MCPH1: variants seen among roughly 807,000 people sequenced by gnomAD.
MCPH1 encodes the protein microcephalin.
In MCPH1, 104 loss-of-function variants were observed where a neutral mutation model predicts 84.5. The ratio of observed to expected loss-of-function variants is 1.23; its 90% CI spans 1.05 to 1.45. MCPH1 has a LOEUF of 1.45. MCPH1 is among the 40% of genes most tolerant of loss of function. The pLI is 0.00. For missense variants in MCPH1, 1,498 were observed against 1,005.7 expected (o/e 1.49, Z -6.62); for synonymous variants, 514 against 366.8 (o/e 1.40, Z -4.58).
chr8:6,589,304 C>T (rs937170481), intron 12 of MCPH1, among the ~76,000 whole-genome samples: 1 of 129,528 alleles, frequency 7.7e-6, no homozygotes, highest in Non-Finnish European at 1.8e-5. Flanking sequence ...GGAATTGTTT[C>T]CAGTAAAAAT....
chr8:6,626,007 C>A, intron 13 of MCPH1: 1 of 985,330 alleles, frequency 1.0e-6, no homozygotes, highest in Middle Eastern at 5.2e-4. Flanking sequence ...AACGACAGCT[C>A]TTCCCCTGGG....
At chr8:6,496,019 G>A (rs1811182352) in intron 11 of MCPH1, among the ~76,000 whole-genome samples, 1 of 152,130 alleles carries the variant, frequency 6.6e-6, no homozygotes, top group African/African-American at 2.4e-5. Context: ...GGGTGAGGGA[G>A]GAATGGTTTT....
chr8:6,485,017 T>C (rs1809698988), intron 11 of MCPH1, among the ~76,000 whole-genome samples: 1 of 152,192 alleles, frequency 6.6e-6, no homozygotes, highest in African/African-American at 2.4e-5. Flanking sequence ...TCTTATTGTT[T>C]CTAAATTTAA....
intron 12 of MCPH1, among the ~76,000 whole-genome samples, chr8:6,553,020 C>G (rs531655008): frequency 6.6e-6 from 1 of 152,264 alleles, no homozygotes; most frequent in African/African-American, 2.4e-5. Context: ...CTGTGTGATG[C>G]TACAATGGTG....
At chr8:6,447,658 C>T (rs892435589) in intron 8 of MCPH1, among the ~76,000 whole-genome samples, 5 of 152,052 alleles carry the variant, frequency 3.3e-5, no homozygotes, top group African/African-American at 1.2e-4. Context: ...TCAAGCAAGT[C>T]TCTGCCTCAG....
intron 12 of MCPH1, among the ~76,000 whole-genome samples, chr8:6,546,801 CT>C (rs1822661728): frequency 6.6e-6 from 1 of 152,158 alleles, no homozygotes; most frequent in Non-Finnish European, 1.5e-5. Flanking sequence ...CAAGTATTGC[CT>C]TTAATTGTAA....
At chr8:6,492,917 G>A (rs147580268) in intron 11 of MCPH1, among the ~76,000 whole-genome samples, 132 of 152,106 alleles carry the variant, frequency 8.7e-4, no homozygotes, top group Middle Eastern at 3.4e-3. Context: ...TTCCTGGTAC[G>A]TGGCTCTAGG....
intron 8 of MCPH1, among the ~76,000 whole-genome samples, chr8:6,453,576 A>G (rs1245201412): frequency 2.6e-5 from 4 of 152,206 alleles, no homozygotes; most frequent in African/African-American, 7.2e-5. Context: ...TCATGACTCA[A>G]TAACAGAGCA....
At chr8:6,573,976 G>T in intron 12 of MCPH1, among the ~76,000 whole-genome samples, 1 of 152,226 alleles carries the variant, frequency 6.6e-6, no homozygotes, top group East Asian at 1.9e-4. Context: ...CTTTCTGGGA[G>T]AATGCACTTT....
intron 12 of MCPH1, chr8:6,519,935 C>G: frequency 6.2e-7 from 1 of 1,614,118 alleles, no homozygotes. Flanking sequence ...GATTTGAATA[C>G]TTCAGCACAG....
At chr8:6,494,139 G>C (rs1189421051) in intron 11 of MCPH1, 1 of 152,006 alleles carries the variant, frequency 6.6e-6, no homozygotes, top group Non-Finnish European at 1.5e-5. Flanking sequence ...GAGTTTCACC[G>C]TGTTGTCCAG....
intron 12 of MCPH1, among the ~76,000 whole-genome samples, chr8:6,510,887 C>G (rs775643162): frequency 6.6e-6 from 1 of 152,160 alleles, no homozygotes; most frequent in Non-Finnish European, 1.5e-5. Context: ...AGTATTTTCC[C>G]ACATGTTTCA....
chr8:6,571,143 T>C (rs2922844), intron 12 of MCPH1, among the ~76,000 whole-genome samples: 1 of 152,200 alleles, frequency 6.6e-6, no homozygotes, highest in Admixed American at 6.5e-5. Context: ...AAGGTCAAGA[T>C]AGAAGTCACA....
chr8:6,477,001 A>AT (rs564947326), intron 9 of MCPH1, among the ~76,000 whole-genome samples: 1 of 152,116 alleles, frequency 6.6e-6, no homozygotes, highest in Non-Finnish European at 1.5e-5. Flanking sequence ...TAGCATTTAA[A>AT]TTTTTTGCAA....
chr8:6,456,145 C>T (rs1342275207), intron 9 of MCPH1, among the ~76,000 whole-genome samples: 1 of 152,032 alleles, frequency 6.6e-6, no homozygotes, highest in African/African-American at 2.4e-5. Flanking sequence ...CTGATGCTTT[C>T]TGGTTTGTCT....
Position 6,644,844 on chromosome 8 carries a change from T to C in MCPH1, c.*1795T>C, listed in dbSNP as rs985076672. The C allele has an allele frequency of 7.9e-5, 12 of 152,154 alleles. No individual in the cohort carries two copies. Among genetic ancestry groups the C allele is most frequent in the Admixed American group, 2.0e-4 (3 of 15,276 alleles). 9.4% of individuals were successfully genotyped at this position (152,154 alleles called of 1,614,324 possible). A position where few individuals can be genotyped will look rare whatever the true frequency, so the allele number is the denominator to read the frequency against. On this transcript the variant is annotated 3_prime_UTR_variant, in exon 14 of 14. Coordinates refer to ENST00000344683, the MANE Select transcript of MCPH1 (RefSeq NM_024596.5). The stretch of plus-strand genomic sequence containing the variant: ...GAACCTTTGAGAAGGGAGGTAGCAG[T>C]GCATTGTATAGGAATTGGCATTCTA...
chr8:6,455,574 C>G (rs1805585687), intron 9 of MCPH1, among the ~76,000 whole-genome samples: 1 of 152,132 alleles, frequency 6.6e-6, no homozygotes, highest in African/African-American at 2.4e-5. Context: ...TAAATATTTA[C>G]TAGGTAGGAG....
chr8:6,465,985 C>T (rs74480408), intron 9 of MCPH1, among the ~76,000 whole-genome samples: 1,825 of 149,292 alleles, frequency 0.012, 41 homozygotes, highest in African/African-American at 0.043. Flanking sequence ...TACAGAGCCT[C>T]GCTCTGTCGC....
At chr8:6,628,130 G>A (rs549905175) in intron 13 of MCPH1, among the ~76,000 whole-genome samples, 1 of 152,116 alleles carries the variant, frequency 6.6e-6, no homozygotes, top group African/African-American at 2.4e-5. Context: ...TATGCCAACA[G>A]AACTAAACTC....
Sources: gnomAD v4.1 joint callset for allele counts (sites outside exome capture counted in the v4.1 genomes callset) on GRCh38, gnomAD v4.1.1 for gene constraint, MANE v1.5 for transcripts, NCBI Gene and HGNC (gene_info 2026-07-23, HGNC 2026-07-21) for gene names.